Variants in TLE4 observed in about 807,000 individuals in gnomAD.
TLE4 encodes TLE family member 4, transcriptional corepressor, also known as transducin-like enhancer protein 4.
In TLE4, 8 loss-of-function variants were observed where a neutral mutation model predicts 92.8. The ratio of observed to expected loss-of-function variants is 0.09; its 90% CI spans 0.05 to 0.16. The LOEUF is 0.16. Ranked by LOEUF, TLE4 falls within the 10% of genes least tolerant of loss-of-function variation. The pLI, the probability that TLE4 is intolerant of heterozygous loss-of-function variation, is 1.00. For synonymous variants in TLE4, 371 were observed against 374.1 expected (o/e 0.99, Z 0.10); for missense variants, 675 against 997.6 (o/e 0.68, Z 4.36).
intron 11 of TLE4, among the ~76,000 whole-genome samples, chr9:79,707,844 T>G (rs1031717941): frequency 6.6e-6 from 1 of 152,218 alleles, no homozygotes; most frequent in African/African-American, 2.4e-5. Flanking sequence ...GACATCCTGG[T>G]TTGTGAGCCT....
At chr9:79,666,235 T>G (rs1371536325) in intron 8 of TLE4, among the ~76,000 whole-genome samples, 1 of 140,704 alleles carries the variant, frequency 7.1e-6, no homozygotes, top group Non-Finnish European at 1.6e-5. Context: ...TTTTTTTTTT[T>G]TTTTGAGAAG....
At chr9:79,707,342 A>T (rs959982189) in intron 11 of TLE4, 1 of 785,256 alleles carries the variant, frequency 1.3e-6, no homozygotes, top group African/African-American at 1.7e-5. Flanking sequence ...ACAAAAGTCT[A>T]TCTTGACTTA....
At chr9:79,613,809 T>C (rs1404637451) in intron 5 of TLE4, among the ~76,000 whole-genome samples, 1 of 152,162 alleles carries the variant, frequency 6.6e-6, no homozygotes, top group African/African-American at 2.4e-5. Flanking sequence ...ATTTTTTTCT[T>C]TGGTCTGGAC....
intron 5 of TLE4, among the ~76,000 whole-genome samples, chr9:79,619,498 C>T (rs1030284740): frequency 1.3e-5 from 2 of 152,176 alleles, no homozygotes; most frequent in Non-Finnish European, 2.9e-5. Context: ...GCCTTACAGT[C>T]GTGCCAGGTT....
At position 79,658,166 on chromosome 9, in the gene TLE4, G is replaced by A. The variant is rs766052980; in HGVS notation, c.609+4091G>A. Among the ~76,000 whole-genome samples the A allele has an allele frequency of 4.7e-4, 71 of 152,264 alleles. 1 individual carries two copies. Among genetic ancestry groups the A allele is most frequent in the Admixed American group, 1.4e-3 (22 of 15,290 alleles). On this transcript the variant is annotated intron_variant, in intron 8 of 19. Transcript: ENST00000376552. ...GATCATTTTTAGTGACTTGTGCAGTGCCAAATTGATCTCCTAAAACCCTGT... is the reference window on the plus strand; with the variant it reads ...GATCATTTTTAGTGACTTGTGCAGTACCAAATTGATCTCCTAAAACCCTGT...
At position 79,680,010 on chromosome 9, in the gene TLE4, G is replaced by T. The variant is rs866587284; in HGVS notation, c.610-24773G>T. ...TTGGTACCAGTACCATGCTGTTTTG[G>T]TTACTGTAGCCTTGTAGTATAGTTT... On this transcript the variant is annotated intron_variant, in intron 8 of 19. Coordinates refer to ENST00000376552, the MANE Select transcript of TLE4 (RefSeq NM_007005.6). 1.9e-3 allele frequency among the ~76,000 whole-genome samples: 291 copies of T among 151,942 alleles called. 1 individual carries two copies. In the Middle Eastern group the frequency reaches 0.027, roughly 14 times the overall value.
At chr9:79,589,291 C>A (rs2041964369) in intron 4 of TLE4, among the ~76,000 whole-genome samples, 1 of 152,184 alleles carries the variant, frequency 6.6e-6, no homozygotes, top group African/African-American at 2.4e-5. Context: ...TTGAGAGAAT[C>A]CTTTAAACGT....
intron 6 of TLE4, among the ~76,000 whole-genome samples, chr9:79,630,691 G>C (rs1259173025): frequency 6.6e-6 from 1 of 152,140 alleles, no homozygotes; most frequent in Non-Finnish European, 1.5e-5. Context: ...GATCTAATTA[G>C]AAATGATGTT....
intron 6 of TLE4, 55 bp downstream of exon 6, chr9:79,627,503 GCTCT>G (rs1029452263): frequency 6.5e-7 from 1 of 1,547,746 alleles, no homozygotes; most frequent in African/African-American, 1.4e-5. Context: ...CAGCTCTCTC[GCTCT>G]CTCTTTTTAC....
chr9:79,706,675 T>C (rs2071665055), intron 10 of TLE4, 72 bp from the exon 11 acceptor site: 12 of 1,530,992 alleles, frequency 7.8e-6, no homozygotes, highest in Non-Finnish European at 1.1e-5. Context: ...TGGCTAGAAA[T>C]GTCCACACCC....
chr9:79,696,513 G>C (rs1427036455), intron 8 of TLE4, among the ~76,000 whole-genome samples: 4 of 151,858 alleles, frequency 2.6e-5, no homozygotes, highest in East Asian at 1.9e-4. Flanking sequence ...TTCTTTCTTT[G>C]TTCCTGTTGT....
At chr9:79,711,918 G>C (rs1024615223) in intron 14 of TLE4, among the ~76,000 whole-genome samples, 10 of 152,166 alleles carry the variant, frequency 6.6e-5, no homozygotes, top group African/African-American at 2.4e-4. Context: ...AAAGCATGTG[G>C]TGCAGTCAAC....
At chr9:79,593,035 A>G (rs565132086) in intron 4 of TLE4, among the ~76,000 whole-genome samples, 3 of 152,210 alleles carry the variant, frequency 2.0e-5, no homozygotes, top group Non-Finnish European at 4.4e-5. Flanking sequence ...TGTGAGGCAT[A>G]TTCTGTATTT....
intron 4 of TLE4, chr9:79,601,313 G>A (rs2045595316): frequency 2.2e-6 from 1 of 447,038 alleles, no homozygotes; most frequent in Admixed American, 2.4e-5. Flanking sequence ...CAGAATTTAA[G>A]CAAGTTTTCT....
At chr9:79,650,724 G>A (rs1360016209) in intron 6 of TLE4, among the ~76,000 whole-genome samples, 1 of 151,928 alleles carries the variant, frequency 6.6e-6, no homozygotes, top group African/African-American at 2.4e-5. Flanking sequence ...GCGTGGGTGG[G>A]GCTTGGTTGG....
intron 5 of TLE4, among the ~76,000 whole-genome samples, chr9:79,624,204 G>T (rs953861132): frequency 3.5e-4 from 52 of 147,828 alleles, no homozygotes; most frequent in Admixed American, 5.4e-4. Flanking sequence ...AGCCTCCTGG[G>T]TCAGTTTATG....
chr9:79,606,348 G>C (rs11138305), intron 4 of TLE4, among the ~76,000 whole-genome samples: 2 of 132,378 alleles, frequency 1.5e-5, no homozygotes, highest in Non-Finnish European at 1.6e-5. Flanking sequence ...TTTTTTTTAA[G>C]AATACCTAAG....
intron 5 of TLE4, among the ~76,000 whole-genome samples, chr9:79,622,959 T>C (rs1258350861): frequency 6.6e-6 from 1 of 152,228 alleles, no homozygotes; most frequent in African/African-American, 2.4e-5. Context: ...ATGAGAATCC[T>C]AGTTTATTTT....
rs1301558523 is a variant in TLE4, at chr9:79,725,277, CT to C, written c.*136del. 3.3e-6 allele frequency: 2 copies of C among 600,128 alleles called. No homozygotes were observed. Among genetic ancestry groups the C allele is most frequent in the Non-Finnish European group, 2.9e-6 (1 of 340,148 alleles). 37.2% of individuals were successfully genotyped at this position (600,128 alleles called of 1,614,324 possible). On this transcript the variant is annotated 3_prime_UTR_variant, in exon 20 of 20. Transcript: ENST00000376552. The stretch of plus-strand genomic sequence containing the variant: ...CATTGCAGTTGTGGAGTTTAATCCC[CT>C]TTCTTAACCTCACTTCCCACTTGCT...
Sources: gnomAD v4.1 joint callset for allele counts (sites outside exome capture counted in the v4.1 genomes callset) on GRCh38, gnomAD v4.1.1 for gene constraint, MANE v1.5 for transcripts, NCBI Gene and HGNC (gene_info 2026-07-23, HGNC 2026-07-21) for gene names.